Variants in CHN1 observed in about 807,000 individuals in gnomAD.
CHN1 encodes chimerin 1.
In CHN1, 37 loss-of-function variants were observed where a neutral mutation model predicts 59.5. The ratio of observed to expected loss-of-function variants is 0.62; its 90% CI spans 0.48 to 0.82. The LOEUF (loss-of-function observed/expected upper bound fraction) is 0.82, where lower values mean the gene tolerates loss of function less well. Ranked by LOEUF, CHN1 falls within the 40% of genes least tolerant of loss-of-function variation. The pLI, the probability that CHN1 is intolerant of heterozygous loss-of-function variation, is 0.00. For missense variants in CHN1, 469 were observed against 571.0 expected (o/e 0.82, Z 1.82); for synonymous variants, 206 against 200.4 (o/e 1.03, Z -0.24).
At chr2:174,933,802 G>A (rs531273688) in intron 3 of CHN1, among the ~76,000 whole-genome samples, 26 of 152,330 alleles carry the variant, frequency 1.7e-4, no homozygotes, top group Admixed American at 3.3e-4. Flanking sequence ...AGCAGATAGA[G>A]AGGAAGTGAG....
At chr2:174,847,353 T>G in intron 6 of CHN1, 1 of 1,285,212 alleles carries the variant, frequency 7.8e-7, no homozygotes, top group Non-Finnish European at 9.8e-7. Flanking sequence ...CTTAAAGGGA[T>G]CTATATTCTA....
At position 174,976,403 on chromosome 2, in the gene CHN1, AATT is replaced by A. The variant is rs1325360386; in HGVS notation, c.20-24204_20-24202del. On this transcript the variant is annotated intron_variant, in intron 1 of 12. Coordinates refer to ENST00000409900, the MANE Select transcript of CHN1 (RefSeq NM_001822.7). Reference sequence around the variant, plus strand: ...CAGACGCCCACCACCATGCCGGGCTAATTTTTTCTATTTTTAGTACAGACGGGG... The same window carrying A: ...CAGACGCCCACCACCATGCCGGGCTATTTTCTATTTTTAGTACAGACGGGG... Among the ~76,000 whole-genome samples, 3 of 151,880 alleles carry A rather than the reference AATT, an allele frequency of 2.0e-5. No homozygotes were observed. In the East Asian group the frequency reaches 5.9e-4, roughly 30 times the overall value.
intron 5 of CHN1, among the ~76,000 whole-genome samples, chr2:174,891,311 C>T (rs181629393): frequency 4.5e-4 from 68 of 151,750 alleles, no homozygotes; most frequent in Admixed American, 3.5e-3. Context: ...GTGGCTCATG[C>T]CTGTAATCCC....
chr2:174,942,748 T>G (rs890553912), intron 3 of CHN1, among the ~76,000 whole-genome samples: 2 of 152,152 alleles, frequency 1.3e-5, no homozygotes, highest in African/African-American at 2.4e-5. Flanking sequence ...TTAAAATATT[T>G]TTTAAAAAGC....
In CHN1 at chr2:174,944,650, G is replaced by A. The variant is rs547261106; in HGVS notation, c.114+238C>T. Among the ~76,000 whole-genome samples, 11 of 152,106 alleles carry A rather than the reference G, an allele frequency of 7.2e-5. No individual in the cohort carries two copies. In the East Asian group the frequency reaches 1.4e-3, roughly 19 times the overall value. On this transcript the variant is annotated intron_variant, in intron 3 of 12. Transcript: ENST00000409900. ...TGTATGAATTAACTGAAAAGAATACGAACAACCCTTAAAACTATATGGTCA... is the reference window on the plus strand; with the variant it reads ...TGTATGAATTAACTGAAAAGAATACAAACAACCCTTAAAACTATATGGTCA...
intron 1 of CHN1, among the ~76,000 whole-genome samples, chr2:174,960,614 G>A (rs921068652): frequency 4.0e-5 from 6 of 151,700 alleles, no homozygotes; most frequent in African/African-American, 9.7e-5. Flanking sequence ...AGGCCAAGGC[G>A]GGTGGATCAC....
intron 1 of CHN1, among the ~76,000 whole-genome samples, chr2:174,964,061 G>A (rs1011220173): frequency 6.6e-6 from 1 of 152,136 alleles, no homozygotes; most frequent in African/African-American, 2.4e-5. Context: ...TTTTATAAAT[G>A]AAAGAAAAGA....
intron 5 of CHN1, among the ~76,000 whole-genome samples, chr2:174,896,460 A>G (rs537251063): frequency 5.9e-5 from 9 of 152,312 alleles, no homozygotes; most frequent in African/African-American, 2.2e-4. Flanking sequence ...TCTAAAAAGC[A>G]TATGGTGACA....
chr2:174,899,903 T>C (rs1373587892), intron 5 of CHN1, among the ~76,000 whole-genome samples: 2 of 152,228 alleles, frequency 1.3e-5, no homozygotes, highest in East Asian at 1.9e-4. Context: ...ATTAGTGTTA[T>C]CTGTTTTCAA....
At chr2:174,802,345 T>C (rs1318248965) in intron 11 of CHN1, among the ~76,000 whole-genome samples, 1 of 152,234 alleles carries the variant, frequency 6.6e-6, no homozygotes, top group Non-Finnish European at 1.5e-5. Context: ...CCATCCAACA[T>C]TTACTTGCTT....
chr2:174,838,267 A>AT (rs1205161578), intron 7 of CHN1, among the ~76,000 whole-genome samples: 1 of 151,958 alleles, frequency 6.6e-6, no homozygotes, highest in Non-Finnish European at 1.5e-5. Context: ...CTAATTTTGT[A>AT]TTTTTAGTAG....
At chr2:174,984,640 T>C (rs1400432631) in intron 1 of CHN1, among the ~76,000 whole-genome samples, 2 of 152,210 alleles carry the variant, frequency 1.3e-5, no homozygotes, top group African/African-American at 4.8e-5. Flanking sequence ...GTCCTGGGAT[T>C]ACAGGCGTGA....
chr2:174,845,785 G>T (rs1008985953), intron 7 of CHN1, among the ~76,000 whole-genome samples: 6 of 128,380 alleles, frequency 4.7e-5, no homozygotes, highest in African/African-American at 1.7e-4. Context: ...TATGGGTGGG[G>T]GGGGGGGTGT....
intron 1 of CHN1, among the ~76,000 whole-genome samples, chr2:174,997,272 C>T (rs1470172482): frequency 1.3e-5 from 2 of 152,166 alleles, no homozygotes; most frequent in Non-Finnish European, 2.9e-5. Context: ...CCCCAGACCT[C>T]GAACGTCCTC....
intron 3 of CHN1, among the ~76,000 whole-genome samples, chr2:174,936,108 C>A (rs1689488184): frequency 1.3e-5 from 2 of 152,260 alleles, no homozygotes; most frequent in South Asian, 4.1e-4. Context: ...TTTTGTCCAG[C>A]CTCAGTCTAC....
chr2:174,846,437 A>C lies in CHN1; in HGVS notation c.627+443T>G, dbSNP rs142329215. On this transcript the variant is annotated intron_variant, in intron 7 of 12. Transcript: ENST00000409900. ...CATTAACAGGGGAGAAAAGACAGAAACTATGAGAAATGCAAACCATCTGCT... is the reference window on the plus strand; with the variant it reads ...CATTAACAGGGGAGAAAAGACAGAACCTATGAGAAATGCAAACCATCTGCT... The C allele has an allele frequency of 6.5e-6, 10 of 1,531,468 alleles. 1 individual carries two copies. The African/African-American group carries it at 1.4e-4, about 21-fold the overall frequency. The allele number at this position is 1,531,468 out of a possible 1,614,324, so 94.9% of individuals were successfully genotyped here.
intron 6 of CHN1, among the ~76,000 whole-genome samples, chr2:174,869,366 T>A (rs567451060): frequency 2.0e-5 from 3 of 152,138 alleles, no homozygotes; most frequent in Non-Finnish European, 2.9e-5. Flanking sequence ...ATATTAAAGA[T>A]AATTAGATGA....
At position 174,903,066 on chromosome 2, in the gene CHN1, CCTTG is replaced by C. The variant is rs200793579; in HGVS notation, c.260+11988_260+11991del. The stretch of plus-strand genomic sequence containing the variant: ...ATTGTATTACCCTCTCACAGAAATC[CCTTG>C]CTTAATAGAATTTTATCAGTATTCT... On this transcript the variant is annotated intron_variant, in intron 5 of 12. Coordinates refer to ENST00000409900, the MANE Select transcript of CHN1 (RefSeq NM_001822.7). Among the ~76,000 whole-genome samples, 256 of 152,254 alleles carry C rather than the reference CCTTG, an allele frequency of 1.7e-3. 10 individuals are homozygous for C. The East Asian group carries it at 0.036, about 21-fold the overall frequency.
At chr2:174,930,293 G>C (rs1193574809) in intron 3 of CHN1, among the ~76,000 whole-genome samples, 1 of 152,194 alleles carries the variant, frequency 6.6e-6, no homozygotes, top group Non-Finnish European at 1.5e-5. Flanking sequence ...CAGAAGCAGT[G>C]TATTACTTGG....
Sources: gnomAD v4.1 joint callset for allele counts (sites outside exome capture counted in the v4.1 genomes callset) on GRCh38, gnomAD v4.1.1 for gene constraint, MANE v1.5 for transcripts, NCBI Gene and HGNC (gene_info 2026-07-23, HGNC 2026-07-21) for gene names.